The following RAPGEF5 variants were observed in gnomAD, a reference collection of about 807,000 sequenced individuals.
RAPGEF5 encodes M-Ras-regulated GEF.
A neutral mutation model predicts 125.2 loss-of-function variants in RAPGEF5; 65 were observed. That is an observed-to-expected ratio of 0.52 (90% CI 0.43 to 0.64). The LOEUF is 0.64. Among genes scored for constraint, RAPGEF5 ranks in the 30% least tolerant of loss-of-function variants. The probability of loss-of-function intolerance (pLI) is 0.00; values close to 1 mark genes in which losing one functional copy is unlikely to be tolerated. For synonymous variants in RAPGEF5, 391 were observed against 385.9 expected, an observed-to-expected ratio of 1.01 and a Z score of -0.16; for missense variants, 958 against 1,048.1, an observed-to-expected ratio of 0.91 and a Z score of 1.19.
At chr7:22,293,324 T>C (rs558193342) in intron 5 of RAPGEF5, among the ~76,000 whole-genome samples, 84 of 152,248 alleles carry the variant, frequency 5.5e-4, no homozygotes, top group Middle Eastern at 3.4e-3. Context: ...AACTCCTCTC[T>C]TACCTCCTGC....
chr7:22,161,984 A>ATTG (rs1562729481), intron 13 of RAPGEF5, among the ~76,000 whole-genome samples: 1 of 152,256 alleles, frequency 6.6e-6, no homozygotes, highest in African/African-American at 2.4e-5. Flanking sequence ...TATCTATTTT[A>ATTG]CAAATTATTG....
At chr7:22,296,921 A>T (rs143022316) in intron 5 of RAPGEF5, among the ~76,000 whole-genome samples, 152 of 152,338 alleles carry the variant, frequency 1.0e-3, no homozygotes, top group African/African-American at 3.3e-3. Context: ...GTCAAGTAAG[A>T]TGAGGACTGA....
chr7:22,306,435 AGAGTT>A (rs1783343796), intron 5 of RAPGEF5, among the ~76,000 whole-genome samples: 2 of 152,046 alleles, frequency 1.3e-5, no homozygotes, highest in Admixed American at 1.3e-4. Context: ...TTTTTCCTAT[AGAGTT>A]GAGTTCCTTA....
chr7:22,216,807 A>G (rs1235387451), intron 9 of RAPGEF5, among the ~76,000 whole-genome samples: 1 of 152,236 alleles, frequency 6.6e-6, no homozygotes, highest in Non-Finnish European at 1.5e-5. Flanking sequence ...ATAATTATAC[A>G]TTTAACTTCT....
rs368249083 is a variant in RAPGEF5, at chr7:22,233,418, T to A, written c.797-2499A>T. ...TTTCAGAATATTTTAGCCTACTGAA[T>A]TCATGTTTTTGGTTTTAAAACAACA... On this transcript the variant is annotated intron_variant, in intron 7 of 25. Transcript: ENST00000665637. 5.3e-5 allele frequency among the ~76,000 whole-genome samples: 8 copies of A among 152,228 alleles called. No individual in the cohort carries two copies. The East Asian group carries it at 1.3e-3, about 26-fold the overall frequency.
At chr7:22,254,496 T>C (rs1297788483) in intron 7 of RAPGEF5, among the ~76,000 whole-genome samples, 2 of 150,566 alleles carry the variant, frequency 1.3e-5, no homozygotes, top group Admixed American at 1.3e-4. Flanking sequence ...TAATCCCAGT[T>C]ACTTGGGAGG....
intron 5 of RAPGEF5, among the ~76,000 whole-genome samples, chr7:22,294,131 A>AGG (rs1011718196): frequency 6.6e-5 from 10 of 152,242 alleles, no homozygotes; most frequent in African/African-American, 2.4e-4. Flanking sequence ...AGAGAGAGAG[A>AGG]GACAGAGAGA....
Position 22,147,031 on chromosome 7 carries a change from G to T in RAPGEF5, c.1885-12C>A. On this transcript the variant is annotated splice_polypyrimidine_tract_variant and intron_variant, in intron 18 of 25. Coordinates refer to ENST00000665637, the MANE Select transcript of RAPGEF5 (RefSeq NM_012294.5). ...TCTGCAAATGGGTTCTAAACCAACA[G>T]AAGCAAAAAGATCCTCAGTAATTCC... The T allele has an allele frequency of 6.2e-7, 1 of 1,608,404 alleles. No individual in the cohort carries two copies. The highest frequency in any genetic ancestry group is 8.5e-7 in the Non-Finnish European group (1 of 1,178,390).
chr7:22,256,512 A>G (rs7798544), intron 7 of RAPGEF5, among the ~76,000 whole-genome samples: 60,716 of 151,760 alleles, frequency 0.4, 13,013 homozygotes, highest in East Asian at 0.73. Flanking sequence ...ACACGTAATG[A>G]CAAAAATAAA....
At chr7:22,294,779 T>A (rs1202022912) in intron 5 of RAPGEF5, among the ~76,000 whole-genome samples, 1 of 152,100 alleles carries the variant, frequency 6.6e-6, no homozygotes, top group Admixed American at 6.5e-5. Context: ...CCACAACATC[T>A]CTCACCTGGA....
At chr7:22,220,962 A>C (rs1250016345) in intron 8 of RAPGEF5, among the ~76,000 whole-genome samples, 2 of 152,216 alleles carry the variant, frequency 1.3e-5, no homozygotes, top group African/African-American at 4.8e-5. Flanking sequence ...TCATGATCTT[A>C]ACGGTTTGTG....
chr7:22,262,833 G>A (rs565087392), intron 7 of RAPGEF5, among the ~76,000 whole-genome samples: 2 of 152,180 alleles, frequency 1.3e-5, no homozygotes, highest in Non-Finnish European at 2.9e-5. Context: ...GTGTACTGGT[G>A]TGCATCTGTA....
At chr7:22,203,332 CA>C in intron 9 of RAPGEF5, among the ~76,000 whole-genome samples, 1 of 152,232 alleles carries the variant, frequency 6.6e-6, no homozygotes, top group South Asian at 2.1e-4. Flanking sequence ...CTCTAGAGAC[CA>C]AAAACTAAAA....
At chr7:22,200,436 C>T (rs1785250549) in intron 9 of RAPGEF5, among the ~76,000 whole-genome samples, 1 of 152,152 alleles carries the variant, frequency 6.6e-6, no homozygotes, top group South Asian at 2.1e-4. Flanking sequence ...AAGGAGCTGG[C>T]CTAACAAATA....
At chr7:22,338,341 C>T (rs1441897419) in intron 1 of RAPGEF5, among the ~76,000 whole-genome samples, 1 of 152,184 alleles carries the variant, frequency 6.6e-6, no homozygotes. Flanking sequence ...GTTTTGCTCT[C>T]GTTCCAAACT....
intron 1 of RAPGEF5, among the ~76,000 whole-genome samples, chr7:22,343,897 T>A (rs1476267262): frequency 6.6e-6 from 1 of 151,776 alleles, no homozygotes; most frequent in African/African-American, 2.4e-5. Context: ...GCTGAGGGTG[T>A]CTGCGGAAAA....
chr7:22,148,177 G>C (rs1447698563), intron 18 of RAPGEF5, among the ~76,000 whole-genome samples: 1 of 152,154 alleles, frequency 6.6e-6, no homozygotes, highest in Non-Finnish European at 1.5e-5. Flanking sequence ...GATTGGTCTG[G>C]CCAGGCTAAG....
chr7:22,326,102 T>C (rs1429286954), intron 1 of RAPGEF5, among the ~76,000 whole-genome samples: 1 of 152,184 alleles, frequency 6.6e-6, no homozygotes, highest in East Asian at 1.9e-4. Flanking sequence ...TAAATGTGTC[T>C]TTTCAATTTG....
chr7:22,182,519 C>G (rs907437401), intron 11 of RAPGEF5, among the ~76,000 whole-genome samples: 26 of 152,154 alleles, frequency 1.7e-4, no homozygotes, highest in Admixed American at 1.6e-3. Flanking sequence ...GGAAATACAG[C>G]CAGACACTAA....
Sources: allele counts gnomAD v4.1 joint callset (sites outside exome capture counted in the v4.1 genomes callset), GRCh38; gene constraint gnomAD v4.1.1; transcripts MANE v1.5; gene names NCBI Gene and HGNC (gene_info 2026-07-23, HGNC 2026-07-21).